The following CCNDBP1 variants were observed in gnomAD, a reference collection of about 807,000 sequenced individuals.
CCNDBP1 encodes the protein cyclin D1 binding protein 1, also known as cyclin-D1-binding protein 1.
A neutral mutation model predicts 46.2 loss-of-function variants in CCNDBP1; 45 were observed. The ratio of observed to expected loss-of-function variants is 0.97; its 90% CI spans 0.77 to 1.25. The LOEUF (loss-of-function observed/expected upper bound fraction) is 1.25. Ranked by LOEUF, CCNDBP1 falls within the 50% of genes most tolerant of loss-of-function variation. CCNDBP1 has a pLI of 0.00. For missense variants in CCNDBP1, 436 were observed against 442.1 expected (o/e 0.99, Z 0.12); for synonymous variants, 154 against 163.6 (o/e 0.94, Z 0.45).
chr15:43,193,385 C>G (rs1411409818), intron 9 of CCNDBP1: 5 of 116,226 alleles, frequency 4.3e-5, no homozygotes, highest in East Asian at 3.1e-4. Context: ...AAAAGAAAGT[C>G]TTAATTACAC....
At position 43,190,083 on chromosome 15, in the gene CCNDBP1, C is replaced by T. The variant is rs921437238; in HGVS notation, c.360C>T (p.Gly120=). 4 of 1,613,934 alleles carry T rather than the reference C, an allele frequency of 2.5e-6. No individual in the cohort carries two copies. Among genetic ancestry groups the T allele is most frequent in the Middle Eastern group, 1.6e-4 (1 of 6,066 alleles). ...QGITLRKLVR[G]ATLDIVDGMA... is the part of the protein sequence containing the mutation. ...TCACCCTGAGAAAGCTGGTACGGGG[C>T]GCCACCCTGGACATCGTGGATGGCA... Residue 120 remains glycine, a synonymous_variant, in exon 5 of 11, where the codon GGC becomes GGT. Transcript: ENST00000300213.
intron 9 of CCNDBP1, among the ~76,000 whole-genome samples, chr15:43,193,751 G>T (rs902932483): frequency 6.6e-6 from 1 of 152,146 alleles, no homozygotes; most frequent in Non-Finnish European, 1.5e-5. Flanking sequence ...AGTAATATTT[G>T]ATAAATTGGA....
chr15:43,185,769 C>G (rs1200534341), intron 1 of CCNDBP1, 51 bp from the exon 2 acceptor site: 2 of 1,589,670 alleles, frequency 1.3e-6, no homozygotes, highest in East Asian at 2.3e-5. Context: ...CTCCGCTTAC[C>G]TCAGCTTTTC....
intron 3 of CCNDBP1, chr15:43,188,311 A>C (rs774849606): frequency 6.6e-6 from 1 of 152,060 alleles, no homozygotes; most frequent in Non-Finnish European, 1.5e-5. Context: ...CTTTAGTTAC[A>C]TATTCTGATT....
Position 43,196,997 on chromosome 15 carries a change from G to A in CCNDBP1, c.*2156G>A, listed in dbSNP as rs2042046133. 1 of 400,826 alleles carries A rather than the reference G, an allele frequency of 2.5e-6. No homozygotes were observed. Among genetic ancestry groups the A allele is most frequent in the East Asian group, 5.8e-5 (1 of 17,236 alleles). The allele number at this position is 400,826 out of a possible 1,614,324, so 24.8% of individuals were successfully genotyped here. A position where few individuals can be genotyped will look rare whatever the true frequency, so the allele number is the denominator to read the frequency against. Reference sequence around the variant, plus strand: ...TCCCTCCCCCACCCCAGAGCTGGCTGTTAAAACGAGGCTGGCACCTGGCAC... The same window carrying A: ...TCCCTCCCCCACCCCAGAGCTGGCTATTAAAACGAGGCTGGCACCTGGCAC... On this transcript the variant is annotated 3_prime_UTR_variant, in exon 11 of 11. Coordinates refer to ENST00000300213, the MANE Select transcript of CCNDBP1 (RefSeq NM_012142.5).
Position 43,192,816 on chromosome 15 carries a change from T to G in CCNDBP1, c.921+13T>G, listed in dbSNP as rs531135080. On this transcript the variant is annotated intron_variant, in intron 9 of 10. Coordinates refer to ENST00000300213, the MANE Select transcript of CCNDBP1 (RefSeq NM_012142.5). ...CGTGCGAATCAATGTAAGTACTGGC[T>G]TTGAGGGAATAGCTACAGAACAAAT... 1.2e-6 allele frequency: 2 copies of G among 1,612,050 alleles called. No homozygotes were observed. The highest frequency in any genetic ancestry group is 2.2e-5 in the South Asian group (2 of 91,036).
chr15:43,192,189 A>G (rs1000851707), intron 8 of CCNDBP1, among the ~76,000 whole-genome samples: 1 of 152,182 alleles, frequency 6.6e-6, no homozygotes, highest in African/African-American at 2.4e-5. Flanking sequence ...GTCTTTTTTA[A>G]TCAACATTTT....
At chr15:43,187,471 T>G (rs1447435960) in intron 3 of CCNDBP1, among the ~76,000 whole-genome samples, 1 of 152,078 alleles carries the variant, frequency 6.6e-6, no homozygotes, top group Non-Finnish European at 1.5e-5. Context: ...GGTTTCACCA[T>G]GTTGGGCAGG....
At position 43,191,465 on chromosome 15, in the gene CCNDBP1, A is replaced by G. The variant is rs2041951705; in HGVS notation, c.650A>G (p.Asn217Ser). Residue 217 changes from asparagine to serine, a missense_variant, in exon 8 of 11, where the codon AAT becomes AGT. By Grantham distance (46) the Asn-to-Ser change is conservative. Transcript: ENST00000300213. ...DTEENNSDNHNHEDDVLGFPS... is the reference protein window; with the variant it reads ...DTEENNSDNHSHEDDVLGFPS... ...GAGGAGAACAACTCTGACAACCACAATCATGAGGATGATGTGTTGGGGTTT... is the reference window on the plus strand; with the variant it reads ...GAGGAGAACAACTCTGACAACCACAGTCATGAGGATGATGTGTTGGGGTTT... The G allele has an allele frequency of 1.2e-6, 2 of 1,613,398 alleles. No individual in the cohort carries two copies. The highest frequency in any genetic ancestry group is 1.7e-6 in the Non-Finnish European group (2 of 1,179,980).
At chr15:43,189,544 G>A (rs2041915282) in intron 4 of CCNDBP1, 2 of 409,916 alleles carry the variant, frequency 4.9e-6, no homozygotes, top group South Asian at 3.9e-5. Flanking sequence ...TCTTCAACCC[G>A]TTTTAACACC....
intron 2 of CCNDBP1, 108 bp from the exon 3 acceptor site, chr15:43,186,046 T>A (rs889342473): frequency 2.4e-6 from 3 of 1,243,334 alleles, no homozygotes; most frequent in African/African-American, 1.5e-5. Flanking sequence ...AATTCTAACC[T>A]CGACATTCGG....
In CCNDBP1 at chr15:43,189,181, C is replaced by T. The variant is rs368958680; in HGVS notation, c.250-18C>T. The T allele has an allele frequency of 4.3e-5, 62 of 1,455,160 alleles. No individual in the cohort carries two copies. The African/African-American group carries it at 7.9e-4, about 19-fold the overall frequency. 90.1% of individuals were successfully genotyped at this position (1,455,160 alleles called of 1,614,324 possible). ...GAAGGGTTGACCACTTTGATCTAATCTGTTTCCTTTTTCATAGGAAACCCA... is the reference window on the plus strand; with the variant it reads ...GAAGGGTTGACCACTTTGATCTAATTTGTTTCCTTTTTCATAGGAAACCCA... On this transcript the variant is annotated intron_variant, in intron 3 of 10. Transcript: ENST00000300213.
intron 3 of CCNDBP1, 21 bp from the exon 4 acceptor site, chr15:43,189,173 GATCTA>G: frequency 7.3e-7 from 1 of 1,376,422 alleles, no homozygotes; most frequent in Non-Finnish European, 1.0e-6. Context: ...TGACCACTTT[GATCTA>G]ATCTGTTTCC....
chr15:43,186,057 G>A (rs530672873), intron 2 of CCNDBP1, 97 bp from the exon 3 acceptor site: 1 of 1,287,546 alleles, frequency 7.8e-7, no homozygotes, highest in African/African-American at 1.5e-5. Context: ...CGACATTCGG[G>A]AAGTGTTTTT....
In CCNDBP1 at chr15:43,194,261, T is replaced by A. The variant is rs925912022; in HGVS notation, c.922-154T>A. The A allele has an allele frequency of 1.5e-5, 8 of 544,016 alleles. No individual in the cohort carries two copies. The African/African-American group carries it at 1.6e-4, about 11-fold the overall frequency. 33.7% of individuals were successfully genotyped at this position (544,016 alleles called of 1,614,324 possible). Reference sequence around the variant, plus strand: ...CTAAATAGAAAAGAACCCGTAATCCTGCCACCCTAACCTAATCAGCATTTT... The same window carrying A: ...CTAAATAGAAAAGAACCCGTAATCCAGCCACCCTAACCTAATCAGCATTTT... On this transcript the variant is annotated intron_variant, in intron 9 of 10. Transcript: ENST00000300213.
rs918920210 is a variant in CCNDBP1, at chr15:43,190,451, C to T, written c.502+53C>T. 3.6e-6 allele frequency: 5 copies of T among 1,376,834 alleles called. No individual in the cohort carries two copies. In the South Asian group the frequency reaches 4.7e-5, roughly 13 times the overall value. 85.3% of individuals were successfully genotyped at this position (1,376,834 alleles called of 1,614,324 possible). ...TCTGCTGGCCAAAGCAAAGAGACCT[C>T]ATGTCTAGCTTCCAGCTTTGTAACA... On this transcript the variant is annotated intron_variant, in intron 6 of 10. Coordinates refer to ENST00000300213, the MANE Select transcript of CCNDBP1 (RefSeq NM_012142.5).
chr15:43,191,246 T>TATG, intron 7 of CCNDBP1, 149 bp from the exon 8 acceptor site: 1 of 875,814 alleles, frequency 1.1e-6, no homozygotes, highest in Admixed American at 2.8e-5. Context: ...GAACAGGGTT[T>TATG]ATGAAGTGAT....
In CCNDBP1 at chr15:43,190,099, G is replaced by A. The variant is rs373625967; in HGVS notation, c.376G>A (p.Val126Met). The change falls in exon 5 of 11, where the codon GTG becomes ATG. Residue 126 changes from valine to methionine, a missense_variant. Transcript: ENST00000300213. The stretch of plus-strand genomic sequence containing the variant: ...GGTACGGGGCGCCACCCTGGACATC[G>A]TGGATGGCATGGCTCAGCTCATGGA... ...KLVRGATLDI[V>M]DGMAQLMEVL... 1 of 1,614,048 alleles carries A rather than the reference G, an allele frequency of 6.2e-7. No individual in the cohort carries two copies. The highest frequency in any genetic ancestry group is 1.3e-5 in the African/African-American group (1 of 74,920).
At position 43,185,573 on chromosome 15, in the gene CCNDBP1, G is replaced by T. The variant is rs765566467; in HGVS notation, c.75G>T (p.Ala25=). The change falls in exon 1 of 11, where the codon GCG becomes GCT. Residue 25 remains alanine (A), a synonymous_variant. Coordinates refer to ENST00000300213, the MANE Select transcript of CCNDBP1 (RefSeq NM_012142.5). ...CTTTGGAGCAGCTCCGGCACTTGGC[G>T]GAGGAGCTGCGGTTGCTCCTGCCTC... ...ASPLEQLRHL[A]EELRLLLPRV... 6.9e-6 allele frequency: 11 copies of T among 1,584,416 alleles called. No homozygotes were observed. In the African/African-American group the frequency reaches 1.5e-4, roughly 21 times the overall value.
Sources: gnomAD v4.1 joint callset for allele counts (sites outside exome capture counted in the v4.1 genomes callset) on GRCh38, gnomAD v4.1.1 for gene constraint, MANE v1.5 for transcripts, NCBI Gene and HGNC (gene_info 2026-07-23, HGNC 2026-07-21) for gene names.